The following PHRF1 variants were observed in gnomAD, a reference collection of about 807,000 sequenced individuals.
The protein encoded by PHRF1 is PHD and RING finger domain-containing protein 1.
In PHRF1, 53 loss-of-function variants were observed where a neutral mutation model predicts 128.9. The ratio of observed to expected loss-of-function variants is 0.41; its 90% CI spans 0.33 to 0.52. PHRF1 has a LOEUF of 0.52. PHRF1 is among the 20% of genes least tolerant of loss of function. The pLI is 0.21. For synonymous variants in PHRF1, 1,178 were observed against 980.6 expected, an observed-to-expected ratio of 1.20 and a Z score of -3.76; for missense variants, 2,503 against 2,284.5, an observed-to-expected ratio of 1.10 and a Z score of -1.95.
At chr11:594,067 T>C (rs1414829377) in intron 6 of PHRF1, among the ~76,000 whole-genome samples, 2 of 152,192 alleles carry the variant, frequency 1.3e-5, no homozygotes, top group Non-Finnish European at 2.9e-5. Context: ...TTATTGGCTG[T>C]TGATTACTGA....
In PHRF1 at chr11:610,667, C is replaced by T; in HGVS notation, c.4583C>T (p.Ala1528Val). The change falls in exon 16 of 18, where the codon GCC (alanine) becomes GTC (valine). Residue 1528 changes from alanine (A) to valine (V), a missense_variant. Coordinates refer to ENST00000264555, the MANE Select transcript of PHRF1 (RefSeq NM_001286581.2). ...CCAGTGCCCGCTGCCCTGACCCCAG[C>T]CTCAGAGCCAGCCAGTCAAGCCACT... is the stretch of plus-strand genomic sequence containing the variant. ...LAPVPAALTP[A>V]SEPASQATAA... 1 of 1,603,942 alleles carries T rather than the reference C, an allele frequency of 6.2e-7. No homozygotes were observed. The highest frequency in any genetic ancestry group is 8.5e-7 in the Non-Finnish European group (1 of 1,179,808).
At chr11:579,237 TC>T (rs1227672867) in intron 1 of PHRF1, among the ~76,000 whole-genome samples, 2 of 150,030 alleles carry the variant, frequency 1.3e-5, no homozygotes, top group Non-Finnish European at 3.0e-5. Flanking sequence ...GCCCTGCTCC[TC>T]CCCCCAGCCC....
intron 1 of PHRF1, 88 bp downstream of exon 1, chr11:576,680 T>G (rs1235813149): frequency 1.4e-5 from 2 of 145,022 alleles, no homozygotes; most frequent in Admixed American, 1.4e-4. Flanking sequence ...GTCTGCGGCC[T>G]GCACCGCGGG....
In PHRF1 at chr11:598,417, C is replaced by A. The variant is rs757516242; in HGVS notation, c.939C>A (p.Ile313=). 7.4e-6 allele frequency: 12 copies of A among 1,611,088 alleles called. No homozygotes were observed. The highest frequency in any genetic ancestry group is 5.3e-5 in the African/African-American group (4 of 74,928). ...GGTCTTCCCTGCTGGATGAAGCCAT[C>A]GAGGCTGTGGCGACTGGCCTGAGCA... ...RLGSSLLDEA[I]EAVATGLSTA... Residue 313 remains isoleucine, a synonymous_variant, in exon 9 of 18, where the codon ATC becomes ATA. Coordinates refer to ENST00000264555, the MANE Select transcript of PHRF1 (RefSeq NM_001286581.2).
intron 9 of PHRF1, among the ~76,000 whole-genome samples, chr11:600,686 G>A (rs1353121523): frequency 1.3e-5 from 2 of 151,566 alleles, no homozygotes; most frequent in African/African-American, 4.9e-5. Context: ...CAAAAATTAG[G>A]CCAGGCATGG....
At position 587,496 on chromosome 11, in the gene PHRF1, C is replaced by T. The variant is rs763344517; in HGVS notation, c.420+32C>T. On this transcript the variant is annotated intron_variant, in intron 4 of 17. Transcript: ENST00000264555. ...TCACCTCTGGTTGGGTGCTTCCTCC[C>T]TTCAGGATGGCCTCCCTGTTTATAG... is the stretch of plus-strand genomic sequence containing the variant. The T allele has an allele frequency of 5.6e-6, 9 of 1,606,150 alleles. No homozygotes were observed. In the Admixed American group the frequency reaches 8.3e-5, roughly 15 times the overall value.
At position 608,122 on chromosome 11, in the gene PHRF1, G is replaced by T. The variant is rs1264745962; in HGVS notation, c.2666G>T (p.Gly889Val). ...TCCTACACGGTGGAGAGCATCTTTG[G>T]TACAGAGCCCGAACCCCCTCTCGGA... ...VTSYTVESIF[G>V]TEPEPPLGPS... The change falls in exon 14 of 18, where the codon GGT becomes GTT. Residue 889 changes from glycine to valine, a missense_variant. Transcript: ENST00000264555. 1.1e-5 allele frequency: 17 copies of T among 1,611,688 alleles called. No homozygotes were observed. Among genetic ancestry groups the T allele is most frequent in the Non-Finnish European group, 1.2e-5 (14 of 1,179,862 alleles).
chr11:586,668 C>T (rs1191409999), intron 3 of PHRF1, among the ~76,000 whole-genome samples: 1 of 152,180 alleles, frequency 6.6e-6, no homozygotes, highest in African/African-American at 2.4e-5. Context: ...CATCTCCCTG[C>T]TCCCTGCTGG....
At position 609,350 on chromosome 11, in the gene PHRF1, C is replaced by T. The variant is rs749386811; in HGVS notation, c.3894C>T (p.Ser1298=). Residue 1298 remains serine, a synonymous_variant, in exon 14 of 18, where the codon TCC becomes TCT. Transcript: ENST00000264555. The part of the protein sequence containing the change: ...SPPSPESTDS[S]PERDFPLKPA... ...CTTCTCCCGAAAGCACAGACTCTTC[C>T]CCGGAGCGAGACTTCCCACTGAAGC... 11 of 1,612,446 alleles carry T rather than the reference C, an allele frequency of 6.8e-6. No homozygotes were observed. The highest frequency in any genetic ancestry group is 3.4e-6 in the Non-Finnish European group (4 of 1,179,892).
At chr11:601,275 AAAAAT>A (rs1855607598) in intron 9 of PHRF1, among the ~76,000 whole-genome samples, 1 of 151,894 alleles carries the variant, frequency 6.6e-6, no homozygotes, top group Non-Finnish European at 1.5e-5. Flanking sequence ...TATCTATAAA[AAAAAT>A]TAGCTGGGCA....
chr11:609,153 G>T lies in PHRF1; in HGVS notation c.3697G>T (p.Ala1233Ser). The change falls in exon 14 of 18, where the codon GCT becomes TCT. Residue 1233 changes from alanine to serine, a missense_variant. Physicochemically the swap from Ala to Ser is moderately conservative, Grantham distance 99. Coordinates refer to ENST00000264555, the MANE Select transcript of PHRF1 (RefSeq NM_001286581.2). ...LGEAHVSPEV[A>S]TADKAPLQAP... The stretch of plus-strand genomic sequence containing the variant: ...GGAAGCACATGTCTCGCCGGAGGTG[G>T]CTACGGCCGACAAGGCCCCCCTGCA... The T allele has an allele frequency of 6.2e-7, 1 of 1,606,158 alleles. No individual in the cohort carries two copies. The highest frequency in any genetic ancestry group is 8.5e-7 in the Non-Finnish European group (1 of 1,178,966).
chr11:606,908 G>A (rs1855982591), intron 13 of PHRF1, 158 bp from the exon 14 acceptor site: 6 of 1,240,300 alleles, frequency 4.8e-6, no homozygotes, highest in Middle Eastern at 2.8e-4. Flanking sequence ...TGTTGAAGCA[G>A]CTCTCCGGGT....
At chr11:590,773 G>A (rs1156674582) in intron 4 of PHRF1, among the ~76,000 whole-genome samples, 1 of 151,962 alleles carries the variant, frequency 6.6e-6, no homozygotes, top group African/African-American at 2.4e-5. Flanking sequence ...GCGCCATCTC[G>A]GCTCACCGCA....
At chr11:602,145 G>A (rs1397116825) in intron 10 of PHRF1, among the ~76,000 whole-genome samples, 3 of 152,180 alleles carry the variant, frequency 2.0e-5, no homozygotes, top group African/African-American at 4.8e-5. Context: ...ACCCATGTTC[G>A]CTGGGCCCTG....
intron 11 of PHRF1, 129 bp from the exon 12 acceptor site, chr11:605,476 C>G: frequency 1.3e-6 from 2 of 1,493,536 alleles, no homozygotes; most frequent in Admixed American, 2.1e-5. Flanking sequence ...AGGTCTGGTT[C>G]GGGGCCCGAA....
At position 592,545 on chromosome 11, in the gene PHRF1, C is replaced by T. The variant is rs773643327; in HGVS notation, c.505-14C>T. ...TTGGGTCCTGTGTGGTGGTGACCGA[C>T]GATTCTGTCCTAGATCCCAGTGGAG... On this transcript the variant is annotated splice_polypyrimidine_tract_variant and intron_variant, in intron 5 of 17. Coordinates refer to ENST00000264555, the MANE Select transcript of PHRF1 (RefSeq NM_001286581.2). The T allele has an allele frequency of 2.5e-5, 41 of 1,612,764 alleles. No homozygotes were observed. The highest frequency in any genetic ancestry group is 6.7e-5 in the Admixed American group (4 of 60,014).
rs189205538 is a variant in PHRF1, at chr11:590,964, A to T, written c.421-420A>T. On this transcript the variant is annotated intron_variant, in intron 4 of 17. Coordinates refer to ENST00000264555, the MANE Select transcript of PHRF1 (RefSeq NM_001286581.2). ...GTAATCTGCCTGCCTCGGCCTCCCA[A>T]AGTGCTGGGATTACAGGTATGAGCC... Among the ~76,000 whole-genome samples, 73 of 152,254 alleles carry T rather than the reference A, an allele frequency of 4.8e-4. 1 individual carries two copies. The highest frequency in any genetic ancestry group is 1.6e-3 in the African/African-American group (67 of 41,538).
Position 589,968 on chromosome 11 carries a change from A to AGGGT in PHRF1, c.421-1415_421-1414insGGTG, listed in dbSNP as rs1554904800. On this transcript the variant is annotated intron_variant, in intron 4 of 17. Transcript: ENST00000264555. ...CGGAGCGTGCGGGGCTCAGCCTGAG[A>AGGGT]GTCTGCAAACGGGCACGGAGCGTGT... Among the ~76,000 whole-genome samples the AGGGT allele has an allele frequency of 7.8e-4, 85 of 108,302 alleles. 1 individual carries two copies. The highest frequency in any genetic ancestry group is 3.5e-3 in the African/African-American group (77 of 21,824). The allele number at this position is 108,302 out of a possible 152,430, so 71.1% of individuals were successfully genotyped here. A position where few individuals can be genotyped will look rare whatever the true frequency, so the allele number is the denominator to read the frequency against.
intron 4 of PHRF1, among the ~76,000 whole-genome samples, chr11:588,756 G>A (rs184696554): frequency 1.8e-4 from 28 of 152,236 alleles, no homozygotes; most frequent in Non-Finnish European, 4.0e-4. Flanking sequence ...ACAAGATACA[G>A]TGTTTGCTAT....
Sources: gnomAD v4.1 joint callset for allele counts (sites outside exome capture counted in the v4.1 genomes callset) on GRCh38, gnomAD v4.1.1 for gene constraint, MANE v1.5 for transcripts, NCBI Gene and HGNC (gene_info 2026-07-23, HGNC 2026-07-21) for gene names.